Variants in FRAS1 observed in about 807,000 individuals in gnomAD.
The protein encoded by FRAS1 is extracellular matrix organizing protein FRAS1.
In FRAS1, 290 loss-of-function variants were observed where a neutral mutation model predicts 435.2. The ratio of observed to expected loss-of-function variants is 0.67; its 90% CI spans 0.61 to 0.73. The LOEUF (loss-of-function observed/expected upper bound fraction) is 0.73. FRAS1 is among the 30% of genes least tolerant of loss of function. The probability of loss-of-function intolerance (pLI) is 0.00; values close to 1 mark genes in which losing one functional copy is unlikely to be tolerated. For missense variants in FRAS1, 4,860 were observed against 5,001.5 expected, an observed-to-expected ratio of 0.97 and a Z score of 0.85; for synonymous variants, 1,800 against 1,851.0, an observed-to-expected ratio of 0.97 and a Z score of 0.71.
chr4:78,073,971 C>T (rs17002913), intron 2 of FRAS1, among the ~76,000 whole-genome samples: 4,405 of 152,074 alleles, frequency 0.029, 190 homozygotes, highest in African/African-American at 0.1. Flanking sequence ...TCTTAGGTTC[C>T]CAGAGTTTAT....
At chr4:78,330,029 A>T (rs763976772) in intron 18 of FRAS1, among the ~76,000 whole-genome samples, 3 of 152,224 alleles carry the variant, frequency 2.0e-5, no homozygotes, top group Non-Finnish European at 4.4e-5. Context: ...TCGCCATGGC[A>T]CATTTATATA....
At chr4:78,461,264 A>C (rs757324783) in intron 47 of FRAS1, among the ~76,000 whole-genome samples, 2 of 152,190 alleles carry the variant, frequency 1.3e-5, no homozygotes, top group Non-Finnish European at 2.9e-5. Flanking sequence ...ATAGGCATAT[A>C]TTACTTTCAT....
intron 2 of FRAS1, among the ~76,000 whole-genome samples, chr4:78,083,114 T>G (rs868242067): frequency 6.6e-6 from 1 of 152,078 alleles, no homozygotes; most frequent in African/African-American, 2.4e-5. Flanking sequence ...TAACTTTAGA[T>G]TACTTTAGAT....
chr4:78,286,623 GGA>G (rs2110187657), intron 14 of FRAS1, 84 bp downstream of exon 14: 1 of 1,429,114 alleles, frequency 7.0e-7, no homozygotes, highest in East Asian at 2.3e-5. Context: ...GGGGACACCA[GGA>G]GCTGGAAGCA....
chr4:78,347,980 A>ACATGGTAAGAGTGATGCTCATGACGTGTT (rs74926675), intron 20 of FRAS1, among the ~76,000 whole-genome samples: 3 of 51,958 alleles, frequency 5.8e-5, no homozygotes, highest in Admixed American at 1.6e-4. Context: ...GCTTCAAGAT[A>ACATGGTAAGAGTGATGCTCATGACGTGTT]GGGGAGGAGC....
intron 1 of FRAS1, among the ~76,000 whole-genome samples, chr4:78,061,040 T>C (rs1739739704): frequency 6.6e-6 from 1 of 151,990 alleles, no homozygotes; most frequent in South Asian, 2.1e-4. Flanking sequence ...AGAGACAGAG[T>C]TTCACCATGT....
intron 2 of FRAS1, among the ~76,000 whole-genome samples, chr4:78,130,710 C>T (rs1181663899): frequency 6.6e-6 from 1 of 152,108 alleles, no homozygotes; most frequent in East Asian, 1.9e-4. Flanking sequence ...TATAGAGAAA[C>T]ACTCTAAGTT....
chr4:78,286,155 T>G (rs1306077255), intron 13 of FRAS1: 1 of 603,842 alleles, frequency 1.7e-6, no homozygotes, highest in African/African-American at 1.8e-5. Flanking sequence ...TCTGTAAAGT[T>G]GGGATTAATA....
At chr4:78,502,569 T>G (rs1378643401) in intron 61 of FRAS1, among the ~76,000 whole-genome samples, 3 of 133,456 alleles carry the variant, frequency 2.2e-5, no homozygotes, top group Admixed American at 1.4e-4. Flanking sequence ...TGATTTTGTG[T>G]CCTGAAACTT....
chr4:78,148,534 A>C (rs541949320), intron 2 of FRAS1, among the ~76,000 whole-genome samples: 2 of 152,332 alleles, frequency 1.3e-5, no homozygotes, highest in Admixed American at 6.5e-5. Context: ...TTCATCAGTG[A>C]ATTGAGATTT....
At chr4:78,327,786 G>A (rs1729776794) in intron 18 of FRAS1, among the ~76,000 whole-genome samples, 2 of 152,134 alleles carry the variant, frequency 1.3e-5, no homozygotes, top group South Asian at 4.1e-4. Flanking sequence ...TATGAAATCA[G>A]CTTCCACAGA....
chr4:78,100,201 T>C (rs1172254242), intron 2 of FRAS1, among the ~76,000 whole-genome samples: 1 of 152,180 alleles, frequency 6.6e-6, no homozygotes, highest in Non-Finnish European at 1.5e-5. Flanking sequence ...GAATCAGACA[T>C]AGTCACTCTG....
intron 12 of FRAS1, among the ~76,000 whole-genome samples, 166 bp from the exon 13 acceptor site, chr4:78,284,229 ATTTTTTTTTT>A (rs11453256): frequency 4.9e-5 from 4 of 80,820 alleles, no homozygotes; most frequent in African/African-American, 1.7e-4. Flanking sequence ...ATTGGAATGT[ATTTTTTTTTT>A]TTTTTTTTTT....
chr4:78,473,510 A>G lies in FRAS1; in HGVS notation c.7595A>G (p.Gln2532Arg). Residue 2532 changes from glutamine (Q) to arginine (R), a missense_variant, in exon 53 of 74, where the codon CAG becomes CGG. Coordinates refer to ENST00000512123, the MANE Select transcript of FRAS1 (RefSeq NM_025074.7). ...ATCCGTGAGATGATGGATAGTTTTC[A>G]GTTTCTGGTGAAAGACAGTAAACCC... ...EKIREMMDSF[Q>R]FLVKDSKPNV... 6.2e-7 allele frequency: 1 copy of G among 1,613,470 alleles called. No homozygotes were observed. The highest frequency in any genetic ancestry group is 8.5e-7 in the Non-Finnish European group (1 of 1,179,564).
At chr4:78,186,212 G>T (rs1253253383) in intron 2 of FRAS1, among the ~76,000 whole-genome samples, 1 of 150,820 alleles carries the variant, frequency 6.6e-6, no homozygotes, top group Admixed American at 6.6e-5. Flanking sequence ...AGAAACAGCT[G>T]TTTGATAGAC....
rs1315400168 is a variant in FRAS1, at chr4:78,387,418, G to A, written c.3692G>A (p.Gly1231Glu). 1 of 1,613,268 alleles carries A rather than the reference G, an allele frequency of 6.2e-7. No individual in the cohort carries two copies. The highest frequency in any genetic ancestry group is 8.5e-7 in the Non-Finnish European group (1 of 1,179,574). Residue 1231 changes from glycine to glutamate, a missense_variant, in exon 29 of 74, where the codon GGA becomes GAA. Transcript: ENST00000512123. ...LRNEVLHISR[G>E]ERATITTQML... ...AATGAAGTTCTCCACATTAGCAGAG[G>A]AGAGAGGGCAACCATCACCACCCAG...
intron 9 of FRAS1, among the ~76,000 whole-genome samples, chr4:78,274,043 G>C (rs1726862366): frequency 3.3e-5 from 5 of 152,172 alleles, no homozygotes; most frequent in Admixed American, 3.3e-4. Context: ...TTAGTCTTGG[G>C]AGGGTGTATG....
Position 78,539,316 on chromosome 4 carries a change from C to G in FRAS1, c.11321C>G (p.Thr3774Ser). Reference sequence around the variant, plus strand: ...TAGGACCGCAATCAGCCAGAGGTAACTGATAAGTACTTCCATGATGTGCCT... The same window carrying G: ...TAGGACCGCAATCAGCCAGAGGTAAGTGATAAGTACTTCCATGATGTGCCT... The part of the protein sequence containing the change: ...LLLDRNQPEV[T>S]DKYFHDVPFE... The change falls in exon 73 of 74, where the codon ACT becomes AGT. Residue 3774 changes from threonine to serine, a missense_variant. Transcript: ENST00000512123. 1 of 1,609,898 alleles carries G rather than the reference C, an allele frequency of 6.2e-7. No individual in the cohort carries two copies. Among genetic ancestry groups the G allele is most frequent in the Non-Finnish European group, 8.5e-7 (1 of 1,178,678 alleles).
chr4:78,298,965 G>A (rs931608794), intron 14 of FRAS1, among the ~76,000 whole-genome samples: 3 of 152,148 alleles, frequency 2.0e-5, no homozygotes, highest in African/African-American at 7.2e-5. Context: ...ACATGCTGCA[G>A]GAACATAGAG....
Sources: allele counts gnomAD v4.1 joint callset (sites outside exome capture counted in the v4.1 genomes callset), GRCh38; gene constraint gnomAD v4.1.1; transcripts MANE v1.5; gene names NCBI Gene and HGNC (gene_info 2026-07-23, HGNC 2026-07-21).